CRIM1: variants seen among roughly 807,000 people sequenced by gnomAD.
The protein encoded by CRIM1 is cysteine rich transmembrane BMP regulator 1.
Under a neutral mutation model 116.4 loss-of-function variants are expected in CRIM1, and 32 were observed. The observed-to-expected ratio is 0.27, with a 90% CI of 0.21 to 0.37. The LOEUF is 0.37. Ranked by LOEUF, CRIM1 falls within the 10% of genes least tolerant of loss-of-function variation. The pLI is 1.00. For missense variants in CRIM1, 1,331 were observed against 1,354.8 expected (o/e 0.98, Z 0.28); for synonymous variants, 590 against 509.2 (o/e 1.16, Z -2.13).
At chr2:36,491,751 G>T (rs577735095) in intron 7 of CRIM1, among the ~76,000 whole-genome samples, 159 of 152,252 alleles carry the variant, frequency 1.0e-3, no homozygotes, top group African/African-American at 3.7e-3. Flanking sequence ...GTTACCAAAA[G>T]TCTGACCGCC....
intron 1 of CRIM1, among the ~76,000 whole-genome samples, chr2:36,362,952 C>T (rs1669325765): frequency 6.6e-6 from 1 of 152,000 alleles, no homozygotes; most frequent in Non-Finnish European, 1.5e-5. Flanking sequence ...AATCCCAGCA[C>T]TTTGTGGGGC....
At chr2:36,511,706 A>G (rs972472394) in intron 9 of CRIM1, among the ~76,000 whole-genome samples, 13 of 152,210 alleles carry the variant, frequency 8.5e-5, no homozygotes, top group Non-Finnish European at 1.9e-4. Context: ...GCTAGAACAC[A>G]TGTGTTAAGG....
At chr2:36,543,688 ATTTT>A (rs869081095) in intron 14 of CRIM1, among the ~76,000 whole-genome samples, 1 of 131,166 alleles carries the variant, frequency 7.6e-6, no homozygotes, top group Non-Finnish European at 1.6e-5. Flanking sequence ...AAAAGTTCTG[ATTTT>A]TTTTTTTTTT....
chr2:36,451,192 A>G lies in CRIM1; in HGVS notation c.869+8457A>G, dbSNP rs533129495. ...GGTGTGGGGTATAGTGGTGAATAAA[A>G]TGTGGCACATGCTTTAAAGAGTCTT... On this transcript the variant is annotated intron_variant, in intron 4 of 16. Coordinates refer to ENST00000280527, the MANE Select transcript of CRIM1 (RefSeq NM_016441.3). Among the ~76,000 whole-genome samples, 4 of 152,326 alleles carry G rather than the reference A, an allele frequency of 2.6e-5. No individual in the cohort carries two copies. In the South Asian group the frequency reaches 8.3e-4, roughly 32 times the overall value.
chr2:36,528,179 A>G (rs1471902275), intron 13 of CRIM1, among the ~76,000 whole-genome samples: 2 of 152,240 alleles, frequency 1.3e-5, no homozygotes, highest in African/African-American at 2.4e-5. Context: ...AACATTATCA[A>G]ATAGATTCTA....
intron 4 of CRIM1, among the ~76,000 whole-genome samples, chr2:36,461,683 GAT>G (rs1178667413): frequency 2.6e-5 from 4 of 152,178 alleles, no homozygotes. Context: ...ATCATTTGTA[GAT>G]ATAACAGACT....
At chr2:36,418,885 G>A (rs1370676277) in intron 2 of CRIM1, among the ~76,000 whole-genome samples, 2 of 152,176 alleles carry the variant, frequency 1.3e-5, no homozygotes, top group Non-Finnish European at 2.9e-5. Flanking sequence ...GTTAAAATGA[G>A]ATGATGGTCC....
chr2:36,370,128 G>A (rs1669851570), intron 1 of CRIM1, among the ~76,000 whole-genome samples: 1 of 151,856 alleles, frequency 6.6e-6, no homozygotes, highest in African/African-American at 2.4e-5. Context: ...CCTGTTAATT[G>A]GGATATCTAT....
chr2:36,391,700 A>G (rs1318376303), intron 1 of CRIM1, among the ~76,000 whole-genome samples: 1 of 152,096 alleles, frequency 6.6e-6, no homozygotes, highest in African/African-American at 2.4e-5. Flanking sequence ...AGAAGCCTGA[A>G]GCCCTTTTTG....
At chr2:36,525,938 C>G (rs1381010243) in intron 13 of CRIM1, among the ~76,000 whole-genome samples, 1 of 152,138 alleles carries the variant, frequency 6.6e-6, no homozygotes, top group Non-Finnish European at 1.5e-5. Flanking sequence ...GTCAAATTGT[C>G]AAGTCACTAA....
Position 36,450,249 on chromosome 2 carries a change from C to G in CRIM1, c.869+7514C>G, listed in dbSNP as rs139864540. The stretch of plus-strand genomic sequence containing the variant: ...GTTCCTGGTGCCCACACAGGCTCAC[C>G]TGTGTGAAACTGCATCAGCCCATAC... On this transcript the variant is annotated intron_variant, in intron 4 of 16. Coordinates refer to ENST00000280527, the MANE Select transcript of CRIM1 (RefSeq NM_016441.3). 2.5e-3 allele frequency among the ~76,000 whole-genome samples: 384 copies of G among 152,288 alleles called. 3 individuals are homozygous for G. Among genetic ancestry groups the G allele is most frequent in the South Asian group, 0.019 (91 of 4,820 alleles).
intron 2 of CRIM1, among the ~76,000 whole-genome samples, chr2:36,426,040 T>C (rs1274476187): frequency 6.6e-6 from 1 of 152,192 alleles, no homozygotes; most frequent in Non-Finnish European, 1.5e-5. Context: ...GTCAAAACTG[T>C]TTTCTTTGTG....
At chr2:36,420,131 C>T (rs900322698) in intron 2 of CRIM1, among the ~76,000 whole-genome samples, 4 of 152,160 alleles carry the variant, frequency 2.6e-5, no homozygotes, top group African/African-American at 2.4e-5. Flanking sequence ...GATATCTTCT[C>T]TTTGATAACC....
At chr2:36,474,847 C>CAAAAAGAAAAAA (rs71396492) in intron 5 of CRIM1, among the ~76,000 whole-genome samples, 19 of 90,742 alleles carry the variant, frequency 2.1e-4, no homozygotes, top group Middle Eastern at 6.2e-3. Flanking sequence ...GACTCTATAT[C>CAAAAAGAAAAAA]AAAAAAAAAA....
In CRIM1 at chr2:36,521,947, A is replaced by G. The variant is rs559876678; in HGVS notation, c.2207-145A>G. The stretch of plus-strand genomic sequence containing the variant: ...TTTAAAAATTTAAGACCCTTCCCGA[A>G]TCATACTTTCTGATTTGTTACTGCG... On this transcript the variant is annotated intron_variant, in intron 12 of 16. Coordinates refer to ENST00000280527, the MANE Select transcript of CRIM1 (RefSeq NM_016441.3). 261 of 657,576 alleles carry G rather than the reference A, an allele frequency of 4.0e-4. 4 individuals are homozygous for G. The highest frequency in any genetic ancestry group is 2.6e-3 in the Middle Eastern group (6 of 2,350). The allele number at this position is 657,576 out of a possible 1,614,324, so 40.7% of individuals were successfully genotyped here.
chr2:36,385,622 G>A (rs542647042), intron 1 of CRIM1, among the ~76,000 whole-genome samples: 1 of 152,266 alleles, frequency 6.6e-6, no homozygotes, highest in South Asian at 2.1e-4. Context: ...TATTACTGGA[G>A]ACGGACCTCA....
chr2:36,393,346 A>G (rs989384994), intron 1 of CRIM1, among the ~76,000 whole-genome samples: 5 of 152,092 alleles, frequency 3.3e-5, no homozygotes, highest in Non-Finnish European at 7.4e-5. Flanking sequence ...TATTATCTTG[A>G]AACATAGTTT....
chr2:36,404,065 C>A (rs3770925), intron 2 of CRIM1, among the ~76,000 whole-genome samples: 3 of 151,712 alleles, frequency 2.0e-5, no homozygotes, highest in Admixed American at 6.6e-5. Context: ...GTTAACACAC[C>A]AAGAGTGATA....
At chr2:36,380,752 G>A (rs10195305) in intron 1 of CRIM1, among the ~76,000 whole-genome samples, 62,916 of 152,052 alleles carry the variant, frequency 0.41, 13,491 homozygotes, top group South Asian at 0.55. Flanking sequence ...TTGAAAATCA[G>A]TGAGGTCAGA....
Sources: allele counts gnomAD v4.1 joint callset (sites outside exome capture counted in the v4.1 genomes callset), GRCh38; gene constraint gnomAD v4.1.1; transcripts MANE v1.5; gene names NCBI Gene and HGNC (gene_info 2026-07-23, HGNC 2026-07-21).